Variants in PKP2 observed in about 807,000 individuals in gnomAD.
PKP2 encodes the protein plakophilin 2, also known as plakophilin-2.
PKP2 carries 73 observed loss-of-function variants against 83.4 expected under a neutral mutation model. The ratio of observed to expected loss-of-function variants is 0.88; its 90% confidence interval spans 0.72 to 1.06. The LOEUF (loss-of-function observed/expected upper bound fraction) is 1.06. PKP2 is among the 50% of genes least tolerant of loss of function. The probability of loss-of-function intolerance (pLI) is 0.00; values close to 1 mark genes in which losing one functional copy is unlikely to be tolerated. For synonymous variants in PKP2, 409 were observed against 430.4 expected (o/e 0.95, Z 0.62); for missense variants, 966 against 1,065.4 (o/e 0.91, Z 1.30).
In PKP2 at chr12:32,843,276, C is replaced by T. The variant is rs776244945; in HGVS notation, c.1379-2071G>A. Reference sequence around the variant, plus strand: ...GATTACAGGCGTGAGCCACCGCGCCCGGCCAGCCATTCCTACTTCTTAAAT... The same window carrying T: ...GATTACAGGCGTGAGCCACCGCGCCTGGCCAGCCATTCCTACTTCTTAAAT... On this transcript the variant is annotated intron_variant, in intron 5 of 12. Transcript: ENST00000340811. The T allele has an allele frequency of 2.4e-5, 32 of 1,347,578 alleles. No individual in the cohort carries two copies. The highest frequency in any genetic ancestry group is 9.1e-5 in the East Asian group (2 of 21,918). The allele number at this position is 1,347,578 out of a possible 1,614,324, so 83.5% of individuals were successfully genotyped here.
chr12:32,794,068 A>G (rs558190676), intron 11 of PKP2, among the ~76,000 whole-genome samples: 1 of 152,290 alleles, frequency 6.6e-6, no homozygotes, highest in East Asian at 1.9e-4. Context: ...CCAAAACCAG[A>G]GAGTGCAAAG....
At chr12:32,848,467 T>G (rs1254100956) in intron 5 of PKP2, among the ~76,000 whole-genome samples, 1 of 152,190 alleles carries the variant, frequency 6.6e-6, no homozygotes, top group African/African-American at 2.4e-5. Context: ...GTACCTCACA[T>G]AGTTTTATAA....
At chr12:32,850,172 T>C (rs1236989700) in intron 5 of PKP2, among the ~76,000 whole-genome samples, 1 of 152,228 alleles carries the variant, frequency 6.6e-6, no homozygotes, top group Admixed American at 6.5e-5. Context: ...CAAATTGTTT[T>C]AAAGACATTT....
intron 4 of PKP2, among the ~76,000 whole-genome samples, chr12:32,861,139 G>A (rs1956794447): frequency 6.6e-6 from 1 of 152,080 alleles, no homozygotes; most frequent in African/African-American, 2.4e-5. Flanking sequence ...AAAATATCCA[G>A]CATCCAACAA....
At chr12:32,805,947 G>C (rs1956221476) in intron 9 of PKP2, among the ~76,000 whole-genome samples, 1 of 152,120 alleles carries the variant, frequency 6.6e-6, no homozygotes, top group Non-Finnish European at 1.5e-5. Context: ...TTTATCAAAG[G>C]CCTTTTCTGC....
intron 9 of PKP2, among the ~76,000 whole-genome samples, chr12:32,804,256 C>CA (rs1358765385): frequency 2.0e-5 from 3 of 152,154 alleles, no homozygotes; most frequent in African/African-American, 7.2e-5. Flanking sequence ...GATGGTTTTG[C>CA]AAAATGTTGC....
chr12:32,845,798 AT>A (rs1276753111), intron 5 of PKP2, among the ~76,000 whole-genome samples: 5 of 151,378 alleles, frequency 3.3e-5, no homozygotes, highest in Admixed American at 6.6e-5. Context: ...AGTGGGAGGA[AT>A]TTTTTTTTAT....
chr12:32,806,580 TTG>T (rs1166334940), intron 9 of PKP2, among the ~76,000 whole-genome samples: 1 of 152,184 alleles, frequency 6.6e-6, no homozygotes, highest in East Asian at 1.9e-4. Context: ...TCATTTCTGA[TTG>T]TGTTATTTGA....
Position 32,821,367 on chromosome 12 carries a change from C to T in PKP2, c.2002G>A (p.Gly668Arg), listed in dbSNP as rs200844640. The change falls in exon 9 of 13, where the codon GGA (glycine) becomes AGA (arginine). Residue 668 changes from glycine to arginine, a missense_variant. Gly to Arg is a moderately radical substitution (Grantham distance 125). Coordinates refer to ENST00000340811, the MANE Select transcript of PKP2 (RefSeq NM_001005242.3). ...SLGALQNLTA[G>R]SGPMPTSVAQ... ...GGCCCAATACTCACTGGTCCACTTCCGGCCGTGAGGTTCTGCAGAGCTCCT... is the reference window on the plus strand; with the variant it reads ...GGCCCAATACTCACTGGTCCACTTCTGGCCGTGAGGTTCTGCAGAGCTCCT... 21 of 1,613,892 alleles carry T rather than the reference C, an allele frequency of 1.3e-5. No individual in the cohort carries two copies. Among genetic ancestry groups the T allele is most frequent in the East Asian group, 4.5e-5 (2 of 44,890 alleles).
At chr12:32,837,491 T>C (rs996057717) in intron 6 of PKP2, among the ~76,000 whole-genome samples, 1 of 152,190 alleles carries the variant, frequency 6.6e-6, no homozygotes, top group East Asian at 1.9e-4. Context: ...TTAGCTATTA[T>C]TGTTATAAAT....
At chr12:32,827,403 A>G (rs1956452722) in intron 6 of PKP2, among the ~76,000 whole-genome samples, 1 of 152,242 alleles carries the variant, frequency 6.6e-6, no homozygotes, top group African/African-American at 2.4e-5. Context: ...ATAAGGGTAG[A>G]TTATTTTATA....
intron 9 of PKP2, among the ~76,000 whole-genome samples, chr12:32,804,097 A>T (rs1044130143): frequency 6.6e-6 from 1 of 152,250 alleles, no homozygotes; most frequent in African/African-American, 2.4e-5. Context: ...ACAGCAACAG[A>T]CAACGGCAGG....
At chr12:32,796,697 C>A (rs919287368) in intron 10 of PKP2, among the ~76,000 whole-genome samples, 2 of 152,066 alleles carry the variant, frequency 1.3e-5, no homozygotes, top group African/African-American at 4.8e-5. Context: ...CTGCGCCCGG[C>A]CAAGAACTTT....
At chr12:32,830,167 G>A (rs1956485619) in intron 6 of PKP2, among the ~76,000 whole-genome samples, 1 of 152,208 alleles carries the variant, frequency 6.6e-6, no homozygotes, top group African/African-American at 2.4e-5. Flanking sequence ...GGTACTTGAT[G>A]AGACATCGGC....
intron 4 of PKP2, among the ~76,000 whole-genome samples, chr12:32,862,345 T>A (rs777729734): frequency 1.3e-5 from 2 of 151,948 alleles, no homozygotes; most frequent in Non-Finnish European, 1.5e-5. Context: ...AATAAATATT[T>A]AAAAAAAATT....
chr12:32,866,313 G>A (rs1204594262), intron 4 of PKP2, among the ~76,000 whole-genome samples: 1 of 152,084 alleles, frequency 6.6e-6, no homozygotes, highest in African/African-American at 2.4e-5. Context: ...ATCACTTTGG[G>A]AGGCCAAGGT....
intron 1 of PKP2, among the ~76,000 whole-genome samples, chr12:32,891,757 CTGGGTCTACT>C (rs1274782684): frequency 6.6e-6 from 1 of 152,196 alleles, no homozygotes; most frequent in Non-Finnish European, 1.5e-5. Context: ...CCCTGCTACT[CTGGGTCTACT>C]TGTGGTTTCT....
intron 8 of PKP2, 67 bp from the exon 9 acceptor site, chr12:32,821,596 A>T: frequency 6.8e-7 from 1 of 1,465,138 alleles, no homozygotes; most frequent in South Asian, 1.1e-5. Context: ...TCACACTCAA[A>T]CCAGGAGACC....
chr12:32,809,867 T>A, intron 9 of PKP2, among the ~76,000 whole-genome samples: 1 of 152,222 alleles, frequency 6.6e-6, no homozygotes, highest in Non-Finnish European at 1.5e-5. Context: ...TGACCCACTC[T>A]GCTTTTCTTT....
Sources: gnomAD v4.1 joint callset for allele counts (sites outside exome capture counted in the v4.1 genomes callset) on GRCh38, gnomAD v4.1.1 for gene constraint, MANE v1.5 for transcripts, NCBI Gene and HGNC (gene_info 2026-07-23, HGNC 2026-07-21) for gene names.